Variants in ADGRF5 observed in about 807,000 individuals in gnomAD.
The protein encoded by ADGRF5 is adhesion G protein-coupled receptor F5.
Under a neutral mutation model 132.3 loss-of-function variants are expected in ADGRF5, and 75 were observed. The observed-to-expected ratio is 0.57, with a 90% CI of 0.47 to 0.69. The LOEUF is 0.69. Among genes scored for constraint, ADGRF5 ranks in the 30% least tolerant of loss-of-function variants. The probability of loss-of-function intolerance (pLI) is 0.00; values close to 1 mark genes in which losing one functional copy is unlikely to be tolerated. For synonymous variants in ADGRF5, 629 were observed against 597.6 expected (o/e 1.05, Z -0.77); for missense variants, 1,516 against 1,630.6 (o/e 0.93, Z 1.21).
intron 2 of ADGRF5, among the ~76,000 whole-genome samples, chr6:46,901,814 C>T (rs995655718): frequency 6.6e-6 from 1 of 152,094 alleles, no homozygotes; most frequent in East Asian, 1.9e-4. Flanking sequence ...ATTCCCTCCT[C>T]CTTTCCAGTG....
chr6:46,855,646 G>A (rs1768951445), intron 20 of ADGRF5, among the ~76,000 whole-genome samples: 1 of 152,162 alleles, frequency 6.6e-6, no homozygotes, highest in Admixed American at 6.5e-5. Flanking sequence ...CATAATTTGA[G>A]AAGAACTCTG....
chr6:46,883,996 A>T (rs1476533212), intron 5 of ADGRF5, 99 bp downstream of exon 5: 1 of 967,706 alleles, frequency 1.0e-6, no homozygotes, highest in African/African-American at 1.6e-5. Context: ...TCCACATCGG[A>T]CTATCAAAGT....
intron 1 of ADGRF5, among the ~76,000 whole-genome samples, chr6:46,949,886 A>C (rs1284059698): frequency 6.6e-6 from 1 of 152,038 alleles, no homozygotes; most frequent in Non-Finnish European, 1.5e-5. Flanking sequence ...TTCCCTCCTC[A>C]TTGTTCTCGT....
chr6:46,937,221 AGT>A (rs10558166), intron 1 of ADGRF5, among the ~76,000 whole-genome samples: 66,150 of 146,554 alleles, frequency 0.45, 16,232 homozygotes, highest in Non-Finnish European at 0.57. Context: ...GGCAATAAGG[AGT>A]GTGTGTGTGT....
chr6:46,912,106 G>C (rs1472157907), intron 1 of ADGRF5, among the ~76,000 whole-genome samples: 1 of 152,150 alleles, frequency 6.6e-6, no homozygotes, highest in Non-Finnish European at 1.5e-5. Context: ...GAGCCACTGA[G>C]TGGTTAAATA....
At chr6:46,920,525 TTG>T (rs1491577156) in intron 1 of ADGRF5, among the ~76,000 whole-genome samples, 21 of 37,832 alleles carry the variant, frequency 5.6e-4, no homozygotes, top group Admixed American at 3.3e-3. Flanking sequence ...AGAATAATAT[TTG>T]GGGGGGGGGA....
chr6:46,953,573 C>G (rs1778577855), intron 1 of ADGRF5, among the ~76,000 whole-genome samples: 1 of 147,606 alleles, frequency 6.8e-6, no homozygotes, highest in African/African-American at 2.5e-5. Context: ...GCTGAGATTG[C>G]ACCACTGTAC....
chr6:46,945,658 G>C (rs1015990337), intron 1 of ADGRF5, among the ~76,000 whole-genome samples: 1 of 152,208 alleles, frequency 6.6e-6, no homozygotes, highest in African/African-American at 2.4e-5. Flanking sequence ...CCTGTGAAAA[G>C]GAAGTAATTT....
chr6:46,914,848 ATTT>A (rs537430751), intron 1 of ADGRF5, among the ~76,000 whole-genome samples: 1 of 150,530 alleles, frequency 6.6e-6, no homozygotes, highest in Non-Finnish European at 1.5e-5. Context: ...GTTTGTTTTT[ATTT>A]TTTTTGTTTG....
intron 15 of ADGRF5, 83 bp from the exon 16 acceptor site, chr6:46,860,977 C>G: frequency 1.9e-6 from 2 of 1,038,424 alleles, no homozygotes; most frequent in Non-Finnish European, 1.4e-6. Context: ...CTGGCAAAAT[C>G]TCTCACATCC....
chr6:46,874,759 C>G (rs1479205481), intron 10 of ADGRF5, among the ~76,000 whole-genome samples: 1 of 152,164 alleles, frequency 6.6e-6, no homozygotes, highest in Non-Finnish European at 1.5e-5. Flanking sequence ...GCTCCAATCC[C>G]TTCACCCTTT....
rs763633467 is a variant in ADGRF5 at position 46,859,509 on chromosome 6, C to T, written c.2394G>A (p.Thr798=). ...CGGGCTTGCCAAGGATGACATTAAC[C>T]GTAGAGAGCACGTGCTGAAAGTGAA... The part of the protein sequence containing the change: ...NSEMMTHVLS[T]VNVILGKPVL... Residue 798 remains threonine, a synonymous_variant, in exon 17 of 21, where the codon ACG becomes ACA. Transcript: ENST00000283296. 17 of 1,605,516 alleles carry T rather than the reference C, an allele frequency of 1.1e-5. No homozygotes were observed. The highest frequency in any genetic ancestry group is 4.4e-5 in the South Asian group (4 of 90,028).
chr6:46,863,165 G>T, intron 14 of ADGRF5, 69 bp from the exon 15 acceptor site: 1 of 1,185,590 alleles, frequency 8.4e-7, no homozygotes, highest in Non-Finnish European at 1.3e-6. Flanking sequence ...ATACGGTCAG[G>T]CCAAGGTAGA....
intron 1 of ADGRF5, among the ~76,000 whole-genome samples, chr6:46,928,415 A>G (rs1213145597): frequency 1.3e-5 from 2 of 152,198 alleles, no homozygotes; most frequent in Non-Finnish European, 2.9e-5. Flanking sequence ...CATATTTACA[A>G]CCAGAAAAAT....
intron 1 of ADGRF5, among the ~76,000 whole-genome samples, chr6:46,944,025 A>G (rs933422385): frequency 6.6e-6 from 1 of 152,158 alleles, no homozygotes; most frequent in African/African-American, 2.4e-5. Flanking sequence ...GCTGGTAGAT[A>G]TTTTCTAAAC....
intron 1 of ADGRF5, 28 bp from the exon 2 acceptor site, chr6:46,906,814 A>G: frequency 1.1e-6 from 1 of 909,586 alleles, no homozygotes; most frequent in Non-Finnish European, 1.8e-6. Context: ...TGGTTTAGAT[A>G]TACAGCAATT....
In ADGRF5 at chr6:46,945,958, G is replaced by GAAC. The variant is rs529887696; in HGVS notation, c.-25+8775_-25+8776insGTT. Among the ~76,000 whole-genome samples, 182 of 152,296 alleles carry GAAC rather than the reference G, an allele frequency of 1.2e-3. No homozygotes were observed. The South Asian group carries it at 0.016, about 13-fold the overall frequency. ...ATTCACCACCATGAGAACGGTATGA[G>GAAC]GGAAGCTGCCCTCATGATTCAAATA... On this transcript the variant is annotated intron_variant, in intron 1 of 20. Coordinates refer to the ADGRF5 transcript ENST00000265417.
At chr6:46,908,365 T>G (rs918634156) in intron 1 of ADGRF5, among the ~76,000 whole-genome samples, 2 of 151,902 alleles carry the variant, frequency 1.3e-5, no homozygotes, top group Non-Finnish European at 2.9e-5. Flanking sequence ...ACAGAATGAG[T>G]CAGGTATTTA....
At chr6:46,892,155 TACACACACACACACACACACAC>T (rs66857908) in intron 3 of ADGRF5, among the ~76,000 whole-genome samples, 62 of 136,300 alleles carry the variant, frequency 4.5e-4, no homozygotes, top group South Asian at 1.0e-3. Context: ...AATACACAAA[TACACACACACACACACACACAC>T]ACACACACAC....
Sources: allele counts gnomAD v4.1 joint callset (sites outside exome capture counted in the v4.1 genomes callset), GRCh38; gene constraint gnomAD v4.1.1; transcripts MANE v1.5; gene names NCBI Gene and HGNC (gene_info 2026-07-23, HGNC 2026-07-21).